The following MECOM variants were observed in gnomAD, a reference collection of about 807,000 sequenced individuals.
The protein encoded by MECOM is histone-lysine N-methyltransferase MECOM.
Under a neutral mutation model 116.3 loss-of-function variants are expected in MECOM, and 13 were observed. The ratio of observed to expected loss-of-function variants is 0.11; its 90% CI spans 0.07 to 0.18. The LOEUF is 0.18. Among genes scored for constraint, MECOM ranks in the 10% least tolerant of loss-of-function variants. The probability of loss-of-function intolerance (pLI) is 1.00; values close to 1 mark genes in which losing one functional copy is unlikely to be tolerated. For synonymous variants in MECOM, 528 were observed against 535.2 expected, an observed-to-expected ratio of 0.99 and a Z score of 0.19; for missense variants, 1,299 against 1,509.0, an observed-to-expected ratio of 0.86 and a Z score of 2.31.
At chr3:169,481,664 C>CTGTGTGTG (rs5854335) in intron 1 of MECOM, among the ~76,000 whole-genome samples, 1 of 151,210 alleles carries the variant, frequency 6.6e-6, no homozygotes, top group African/African-American at 2.4e-5. Flanking sequence ...AGTGACAAAT[C>CTGTGTGTG]TGTGTGTGTG....
At chr3:169,178,064 C>T (rs909864555) in intron 2 of MECOM, among the ~76,000 whole-genome samples, 1 of 152,194 alleles carries the variant, frequency 6.6e-6, no homozygotes, top group African/African-American at 2.4e-5. Context: ...AGGCTACAGA[C>T]CATGTCTATT....
At chr3:169,322,927 G>GA (rs1261213060) in intron 2 of MECOM, among the ~76,000 whole-genome samples, 1 of 149,704 alleles carries the variant, frequency 6.7e-6, no homozygotes, top group Non-Finnish European at 1.5e-5. Context: ...GAACCCGGGG[G>GA]GGGCAGAGTT....
intron 1 of MECOM, among the ~76,000 whole-genome samples, chr3:169,510,039 C>T (rs912056793): frequency 6.6e-6 from 1 of 152,200 alleles, no homozygotes; most frequent in African/African-American, 2.4e-5. Flanking sequence ...AACCAAAATC[C>T]TCTTATAGGG....
At chr3:169,246,527 C>CT (rs11454849) in intron 2 of MECOM, among the ~76,000 whole-genome samples, 29,863 of 131,292 alleles carry the variant, frequency 0.23, 4,009 homozygotes, top group African/African-American at 0.27. Context: ...TACACATACA[C>CT]TTTTTTTTTT....
At chr3:169,366,824 A>G (rs1454097367) in intron 2 of MECOM, among the ~76,000 whole-genome samples, 2 of 152,070 alleles carry the variant, frequency 1.3e-5, no homozygotes, top group African/African-American at 2.4e-5. Flanking sequence ...CAACACTCTC[A>G]GCCAGTTGGT....
At chr3:169,237,644 T>C (rs1432439173) in intron 2 of MECOM, among the ~76,000 whole-genome samples, 1 of 146,602 alleles carries the variant, frequency 6.8e-6, no homozygotes, top group East Asian at 2.0e-4. Flanking sequence ...AATGTGGCAC[T>C]TACTGTTGTT....
chr3:169,102,250 A>T (rs754557858), intron 10 of MECOM, 24 bp from the exon 11 acceptor site: 2 of 1,590,400 alleles, frequency 1.3e-6, no homozygotes, highest in Non-Finnish European at 1.7e-6. Context: ...GCACAAGACC[A>T]TGAAGCGTTT....
intron 2 of MECOM, among the ~76,000 whole-genome samples, chr3:169,292,179 C>A (rs1372815953): frequency 6.6e-6 from 1 of 151,912 alleles, no homozygotes; most frequent in African/African-American, 2.4e-5. Flanking sequence ...CCTGTCTCTA[C>A]TAAAAATTCG....
chr3:169,421,874 C>T (rs1019814581), intron 1 of MECOM, among the ~76,000 whole-genome samples: 4 of 151,986 alleles, frequency 2.6e-5, no homozygotes, highest in Non-Finnish European at 4.4e-5. Context: ...TCTCTTGTCT[C>T]TAACATAGAT....
At chr3:169,185,397 G>A (rs141062132) in intron 2 of MECOM, among the ~76,000 whole-genome samples, 102 of 152,294 alleles carry the variant, frequency 6.7e-4, no homozygotes, top group African/African-American at 2.4e-3. Context: ...GAAAGTTATG[G>A]AGGATGAAGG....
intron 2 of MECOM, among the ~76,000 whole-genome samples, chr3:169,183,803 CACACACACACACACACAT>C (rs1484999988): frequency 1.1e-4 from 6 of 54,164 alleles, no homozygotes; most frequent in African/African-American, 2.3e-4. Flanking sequence ...CACACACACA[CACACACACACACACACAT>C]ATATATATAT....
intron 1 of MECOM, among the ~76,000 whole-genome samples, chr3:169,608,718 C>T (rs1339255582): frequency 6.6e-6 from 1 of 152,150 alleles, no homozygotes; most frequent in Non-Finnish European, 1.5e-5. Context: ...TGAACTGGCT[C>T]ACGTTCTGTT....
intron 2 of MECOM, among the ~76,000 whole-genome samples, chr3:169,270,590 TA>T (rs1758825772): frequency 6.6e-6 from 1 of 152,154 alleles, no homozygotes; most frequent in Non-Finnish European, 1.5e-5. Flanking sequence ...ATACAAATAT[TA>T]AAGTGTTTAC....
rs951116904 is a variant in MECOM, at chr3:169,565,871, A to T, written c.37+97465T>A. 9 of 405,000 alleles carry T rather than the reference A, an allele frequency of 2.2e-5. No homozygotes were observed. In the East Asian group the frequency reaches 3.9e-4, roughly 18 times the overall value. The allele number at this position is 405,000 out of a possible 1,614,324, so 25.1% of individuals were successfully genotyped here. Reference sequence around the variant, plus strand: ...AGGTTTGGCAGCCCCTAGCATGCACACCACTGGTAACCTGGTGGATCAGTT... The same window carrying T: ...AGGTTTGGCAGCCCCTAGCATGCACTCCACTGGTAACCTGGTGGATCAGTT... On this transcript the variant is annotated intron_variant, in intron 1 of 16. Coordinates refer to ENST00000651503, the MANE Select transcript of MECOM (RefSeq NM_004991.4).
intron 1 of MECOM, among the ~76,000 whole-genome samples, chr3:169,507,649 G>GTTTTTTTTT (rs1491033517): frequency 4.6e-5 from 3 of 65,096 alleles, no homozygotes; most frequent in African/African-American, 2.1e-4. Context: ...ATCCCCACTT[G>GTTTTTTTTT]CTTTTTTTTT....
intron 3 of MECOM, among the ~76,000 whole-genome samples, chr3:169,136,639 T>G (rs1736452531): frequency 6.6e-6 from 1 of 152,020 alleles, no homozygotes; most frequent in South Asian, 2.1e-4. Context: ...CTATCATTAG[T>G]TTTTTCAAAT....
intron 2 of MECOM, among the ~76,000 whole-genome samples, chr3:169,172,258 T>A (rs1744528292): frequency 6.9e-6 from 1 of 145,902 alleles, no homozygotes; most frequent in African/African-American, 2.4e-5. Context: ...TGGATTTAAC[T>A]TTTTCTTGTT....
chr3:169,149,331 G>C (rs1055426862), intron 2 of MECOM, among the ~76,000 whole-genome samples: 48 of 152,162 alleles, frequency 3.2e-4, no homozygotes, highest in African/African-American at 1.2e-3. Flanking sequence ...ACGTCGGTAG[G>C]AAAACAAAAG....
intron 1 of MECOM, among the ~76,000 whole-genome samples, chr3:169,636,851 G>T: frequency 6.6e-6 from 1 of 152,144 alleles, no homozygotes; most frequent in Non-Finnish European, 1.5e-5. Flanking sequence ...ATAAAGCAAA[G>T]AGTCTTGTGT....
Sources: gnomAD v4.1 joint callset for allele counts (sites outside exome capture counted in the v4.1 genomes callset) on GRCh38, gnomAD v4.1.1 for gene constraint, MANE v1.5 for transcripts, NCBI Gene and HGNC (gene_info 2026-07-23, HGNC 2026-07-21) for gene names.